MTHFSD: variants seen among roughly 807,000 people sequenced by gnomAD.
The protein encoded by MTHFSD is methenyltetrahydrofolate synthetase domain containing.
A neutral mutation model predicts 31.1 loss-of-function variants in MTHFSD; 37 were observed. The ratio of observed to expected loss-of-function variants is 1.19; its 90% CI spans 0.91 to 1.56. The LOEUF (loss-of-function observed/expected upper bound fraction) is 1.56. MTHFSD is among the 40% of genes most tolerant of loss of function. The probability of loss-of-function intolerance (pLI) is 0.00; values close to 1 mark genes in which losing one functional copy is unlikely to be tolerated. For synonymous variants in MTHFSD, 221 were observed against 206.9 expected (o/e 1.07, Z -0.59); for missense variants, 664 against 510.1 (o/e 1.30, Z -2.91).
At position 86,552,092 on chromosome 16, in the gene MTHFSD, G is replaced by A. The variant is rs772095915; in HGVS notation, c.178C>T (p.Gln60Ter). The change falls in exon 3 of 8, where the codon CAG becomes TAG. Residue 60 changes from glutamine to a stop codon, truncating the protein, a stop_gained. Coordinates refer to ENST00000360900, the MANE Select transcript of MTHFSD (RefSeq NM_001159377.2). LOFTEE classifies it high-confidence loss of function. ...TTATCAGGGTCCACTTTAACTTCCT[G>A]TGTTCTGGCAAAAACGTCTAGGTCT... ...IKDLDVFARTQEVKVDPDKPL... is the reference protein window; with the variant it reads ...IKDLDVFART 6.2e-7 allele frequency: 1 copy of A among 1,614,176 alleles called. No individual in the cohort carries two copies. Among genetic ancestry groups the A allele is most frequent in the Middle Eastern group, 1.6e-4 (1 of 6,062 alleles).
intron 4 of MTHFSD, chr16:86,548,134 G>A: frequency 7.7e-7 from 1 of 1,301,512 alleles, no homozygotes; most frequent in South Asian, 1.2e-5. Flanking sequence ...CCGGGAATAA[G>A]AAAAAGCTCC....
At chr16:86,548,438 G>A (rs1972646107) in intron 4 of MTHFSD, 26 bp downstream of exon 4, 4 of 1,561,830 alleles carry the variant, frequency 2.6e-6, no homozygotes, top group Non-Finnish European at 3.5e-6. Context: ...TCTTTCCTAG[G>A]TGGGGACATT....
intron 2 of MTHFSD, chr16:86,552,442 A>C (rs1567557612): frequency 4.7e-6 from 3 of 643,630 alleles, no homozygotes; most frequent in Middle Eastern, 4.1e-4. Context: ...AAGGAAAGGG[A>C]TTTGAGAAAA....
chr16:86,554,664 T>A lies in MTHFSD; in HGVS notation c.104A>T (p.His35Leu), dbSNP rs754650130. ...NLADFPRPVH[H>L]RIPNFKGSYL... is the part of the protein sequence containing the mutation. ...CAGTACCTTAAAGTTGGGTATCCTG[T>A]GATGAACAGGTCGGGGAAAGTCAGC... Residue 35 changes from histidine to leucine, a missense_variant, in exon 2 of 8, where the codon CAC (histidine) becomes CTC (leucine). By Grantham distance (99) the His-to-Leu change is moderately conservative (BLOSUM62 -3). Transcript: ENST00000360900. The A allele has an allele frequency of 1.2e-6, 2 of 1,614,118 alleles. No individual in the cohort carries two copies. The highest frequency in any genetic ancestry group is 1.6e-4 in the Middle Eastern group (1 of 6,062).
intron 4 of MTHFSD, 122 bp from the exon 5 acceptor site, chr16:86,546,771 G>C (rs912882315): frequency 2.5e-6 from 2 of 792,662 alleles, no homozygotes; most frequent in Non-Finnish European, 2.1e-6. Flanking sequence ...GCAGGCACAC[G>C]CAACACCGGA....
chr16:86,542,801 T>A lies in MTHFSD; in HGVS notation c.443-588A>T, dbSNP rs1161135958. Among the ~76,000 whole-genome samples, 1 of 152,220 alleles carries A rather than the reference T, an allele frequency of 6.6e-6. No homozygotes were observed. Among genetic ancestry groups the A allele is most frequent in the African/African-American group, 2.4e-5 (1 of 41,458 alleles). On this transcript the variant is annotated intron_variant, in intron 5 of 7. Coordinates refer to ENST00000360900, the MANE Select transcript of MTHFSD (RefSeq NM_001159377.2). The surrounding 1 kb of genome is among the most constrained non-coding windows in gnomAD (Gnocchi z 4.6). The stretch of plus-strand genomic sequence containing the variant: ...TCTGAGCCTAAAAGAGTAGCTAAGA[T>A]GAAATCGAGGTTTAACAGCCTCTCT...
At chr16:86,552,256 G>C in intron 2 of MTHFSD, 110 bp from the exon 3 acceptor site, 1 of 1,606,032 alleles carries the variant, frequency 6.2e-7, no homozygotes, top group Non-Finnish European at 8.5e-7. Context: ...TTGAACGCCT[G>C]CAAGCGTGGG....
At chr16:86,533,769 G>A in intron 7 of MTHFSD, 1 of 152,142 alleles carries the variant, frequency 6.6e-6, no homozygotes, top group Non-Finnish European at 1.5e-5. Context: ...CAAACTACAA[G>A]AAGTACACAG....
chr16:86,554,855 G>A (rs925537219), intron 1 of MTHFSD, 104 bp from the exon 2 acceptor site: 34 of 1,117,518 alleles, frequency 3.0e-5, no homozygotes, highest in South Asian at 6.0e-5. Flanking sequence ...GGTCAAACCG[G>A]CTTCCGATCC....
chr16:86,550,666 T>C (rs1307909353), intron 3 of MTHFSD, among the ~76,000 whole-genome samples: 1 of 152,236 alleles, frequency 6.6e-6, no homozygotes, highest in African/African-American at 2.4e-5. Flanking sequence ...TAGACAGAAC[T>C]GCGCCTCGAA....
intron 7 of MTHFSD, among the ~76,000 whole-genome samples, chr16:86,537,804 C>T (rs554023016): frequency 1.3e-5 from 2 of 152,334 alleles, no homozygotes; most frequent in South Asian, 2.1e-4. Flanking sequence ...GCGGGCCATG[C>T]TTTGAAAGCT....
intron 2 of MTHFSD, among the ~76,000 whole-genome samples, chr16:86,552,875 C>T (rs1567558278): frequency 1.3e-5 from 2 of 152,192 alleles, no homozygotes; most frequent in African/African-American, 2.4e-5. Context: ...GTGAAGCAAG[C>T]CAACAGCTAA....
At chr16:86,540,618 G>A (rs1971365423) in intron 7 of MTHFSD, 10 of 950,052 alleles carry the variant, frequency 1.1e-5, no homozygotes, top group Non-Finnish European at 1.1e-5. Context: ...TCTCGGCTCT[G>A]AGGAGCCGCC....
Position 86,555,206 on chromosome 16 carries a change from C to T in MTHFSD, c.-22G>A, listed in dbSNP as rs1426664564. On this transcript the variant is annotated 5_prime_UTR_variant, in exon 1 of 8. Coordinates refer to ENST00000360900, the MANE Select transcript of MTHFSD (RefSeq NM_001159377.2). ...CCATGGTGATGCAGTCGCTGTGCGA[C>T]GCTTCCCGGCGCAGGTTCTGGCGCG... The T allele has an allele frequency of 1.3e-6, 2 of 1,536,402 alleles. No individual in the cohort carries two copies. The highest frequency in any genetic ancestry group is 1.7e-6 in the Non-Finnish European group (2 of 1,146,408).
intron 4 of MTHFSD, chr16:86,547,459 G>A (rs912706982): frequency 1.0e-6 from 1 of 986,026 alleles, no homozygotes; most frequent in African/African-American, 1.7e-5. Context: ...CGGGTGGCTT[G>A]GGGGTCTCCC....
At chr16:86,549,680 G>A (rs940956426) in intron 3 of MTHFSD, among the ~76,000 whole-genome samples, 14 of 152,202 alleles carry the variant, frequency 9.2e-5, no homozygotes, top group African/African-American at 2.4e-4. Flanking sequence ...AAGAATTACC[G>A]AGGTCTAGAC....
chr16:86,546,860 G>A (rs76573365), intron 4 of MTHFSD, among the ~76,000 whole-genome samples: 4,986 of 152,306 alleles, frequency 0.033, 110 homozygotes, highest in Middle Eastern at 0.075. Flanking sequence ...CCAGAAAGGC[G>A]GCCAAGAGGA....
chr16:86,551,532 C>G (rs10468344), intron 3 of MTHFSD, among the ~76,000 whole-genome samples: 93,276 of 152,102 alleles, frequency 0.61, 28,863 homozygotes, highest in Non-Finnish European at 0.66. Flanking sequence ...AAAAGCATGC[C>G]TGAATTTAAA....
Position 86,554,824 on chromosome 16 carries a change from G to A in MTHFSD, c.17-73C>T, listed in dbSNP as rs917612333. On this transcript the variant is annotated intron_variant, in intron 1 of 7. Transcript: ENST00000360900. The stretch of plus-strand genomic sequence containing the variant: ...CCCATGCTGAAACCGCTTAACAGTA[G>A]TTAAGCGACCCCCGCGTGTAGGTCA... The A allele has an allele frequency of 4.5e-6, 6 of 1,333,614 alleles. No individual in the cohort carries two copies. The African/African-American group carries it at 5.8e-5, about 13-fold the overall frequency. The allele number at this position is 1,333,614 out of a possible 1,614,324, so 82.6% of individuals were successfully genotyped here. A position where few individuals can be genotyped will look rare whatever the true frequency, so the allele number is the denominator to read the frequency against.
Sources: allele counts gnomAD v4.1 joint callset (sites outside exome capture counted in the v4.1 genomes callset), GRCh38; gene constraint gnomAD v4.1.1; non-coding constraint Gnocchi (gnomAD v3.1); transcripts MANE v1.5; gene names NCBI Gene and HGNC (gene_info 2026-07-23, HGNC 2026-07-21).